LRRC7: variants seen among roughly 807,000 people sequenced by gnomAD.
The protein encoded by LRRC7 is leucine-rich repeat-containing protein 7.
Under a neutral mutation model 175.7 loss-of-function variants are expected in LRRC7, and 23 were observed. The observed-to-expected ratio is 0.13, with a 90% CI of 0.09 to 0.19. LRRC7 has a LOEUF of 0.19. Ranked by LOEUF, LRRC7 falls within the 10% of genes least tolerant of loss-of-function variation. The pLI is 1.00. For synonymous variants in LRRC7, 685 were observed against 680.9 expected, an observed-to-expected ratio of 1.01 and a Z score of -0.09; for missense variants, 1,354 against 1,904.7, an observed-to-expected ratio of 0.71 and a Z score of 5.38.
At chr1:69,653,034 T>C (rs1656087365) in intron 1 of LRRC7, among the ~76,000 whole-genome samples, 1 of 152,092 alleles carries the variant, frequency 6.6e-6, no homozygotes, top group African/African-American at 2.4e-5. Context: ...CAATTGGTCT[T>C]GGCAATGATT....
chr1:69,899,150 A>G (rs1305284040), intron 7 of LRRC7, among the ~76,000 whole-genome samples: 1 of 152,244 alleles, frequency 6.6e-6, no homozygotes, highest in Non-Finnish European at 1.5e-5. Context: ...CTCTCATATT[A>G]GCAGAAGCAC....
At chr1:69,584,094 G>A (rs921916721) in intron 1 of LRRC7, among the ~76,000 whole-genome samples, 6 of 152,170 alleles carry the variant, frequency 3.9e-5, no homozygotes, top group African/African-American at 9.6e-5. Context: ...GCTTGGAATC[G>A]CTTACTTCTC....
rs1349854926 is a variant in LRRC7, at chr1:69,608,899, T to TAC, written c.2+40272_2+40273dup. The stretch of plus-strand genomic sequence containing the variant: ...ATATATATATATATATATATATATA[T>TAC]ACACACACACACACATATATATAAA... On this transcript the variant is annotated intron_variant, in intron 1 of 26. Transcript: ENST00000651989. 3.0e-3 allele frequency among the ~76,000 whole-genome samples: 369 copies of TAC among 123,638 alleles called. 1 individual carries two copies. The highest frequency in any genetic ancestry group is 9.9e-3 in the African/African-American group (315 of 31,752). 81.1% of individuals were successfully genotyped at this position (123,638 alleles called of 152,430 possible).
intron 7 of LRRC7, among the ~76,000 whole-genome samples, chr1:69,898,329 G>A (rs1646036685): frequency 6.6e-6 from 1 of 152,162 alleles, no homozygotes; most frequent in South Asian, 2.1e-4. Context: ...TGTGGTTGGA[G>A]AGCTATATTT....
chr1:69,700,872 T>C (rs562059474), intron 2 of LRRC7, among the ~76,000 whole-genome samples: 2 of 152,328 alleles, frequency 1.3e-5, no homozygotes, highest in African/African-American at 4.8e-5. Context: ...AGGGTCATGT[T>C]GTGCTGTATA....
At chr1:69,761,770 T>C (rs1218259356) in intron 3 of LRRC7, among the ~76,000 whole-genome samples, 1 of 152,036 alleles carries the variant, frequency 6.6e-6, no homozygotes, top group African/African-American at 2.4e-5. Context: ...TCCTGGTACA[T>C]GGGCAGGCAT....
intron 11 of LRRC7, among the ~76,000 whole-genome samples, chr1:70,010,784 T>G (rs1269574831): frequency 6.6e-6 from 1 of 152,154 alleles, no homozygotes; most frequent in African/African-American, 2.4e-5. Flanking sequence ...GGCCCTTTTT[T>G]CCCAGCTATC....
rs183958686 is a variant in LRRC7 at position 70,111,488 on chromosome 1, G to C, written c.4620+3662G>C. On this transcript the variant is annotated intron_variant, in intron 26 of 26. Transcript: ENST00000651989. Reference sequence around the variant, plus strand: ...TAAGAGAAAAAACTGAAAGCACATGGAATATAAAAATATGCTAGAATAAGC... The same window carrying C: ...TAAGAGAAAAAACTGAAAGCACATGCAATATAAAAATATGCTAGAATAAGC... 2.0e-5 allele frequency among the ~76,000 whole-genome samples: 3 copies of C among 152,200 alleles called. No individual in the cohort carries two copies. The East Asian group carries it at 5.8e-4, about 29-fold the overall frequency.
chr1:69,750,093 T>TAAATGAATAAATAATA (rs139997047), intron 2 of LRRC7, among the ~76,000 whole-genome samples: 1 of 142,202 alleles, frequency 7.0e-6, no homozygotes, highest in Non-Finnish European at 1.5e-5. Flanking sequence ...AATAAATAAA[T>TAAATGAATAAATAATA]AATAATAACT....
At chr1:69,774,676 C>G (rs1462451722) in intron 3 of LRRC7, among the ~76,000 whole-genome samples, 1 of 152,026 alleles carries the variant, frequency 6.6e-6, no homozygotes, top group Non-Finnish European at 1.5e-5. Flanking sequence ...TTTAAAAAAA[C>G]TTTTATGAGT....
At chr1:70,086,966 T>A (rs1045204775) in intron 24 of LRRC7, among the ~76,000 whole-genome samples, 1 of 152,154 alleles carries the variant, frequency 6.6e-6, no homozygotes, top group African/African-American at 2.4e-5. Flanking sequence ...AGAGGAATAC[T>A]CTCTCTGACA....
intron 25 of LRRC7, among the ~76,000 whole-genome samples, chr1:70,097,149 C>T (rs890722634): frequency 2.0e-5 from 3 of 152,268 alleles, no homozygotes; most frequent in African/African-American, 7.2e-5. Flanking sequence ...TCCCCCACCC[C>T]TTTCATTCTG....
Position 70,127,165 on chromosome 1 carries a change from C to A in LRRC7, c.*5278C>A, listed in dbSNP as rs1286300262. 1.3e-5 allele frequency among the ~76,000 whole-genome samples: 2 copies of A among 152,152 alleles called. No individual in the cohort carries two copies. The highest frequency in any genetic ancestry group is 4.8e-5 in the African/African-American group (2 of 41,440). On this transcript the variant is annotated 3_prime_UTR_variant, in exon 27 of 27. Coordinates refer to ENST00000651989, the MANE Select transcript of LRRC7 (RefSeq NM_001370785.2). ...AGCCTGTGTGCAATGGTGGGGGTGG[C>A]AATGCCTTTATAAAACTGTTTCTGC...
intron 8 of LRRC7, among the ~76,000 whole-genome samples, chr1:69,956,421 G>T (rs1319319375): frequency 6.6e-6 from 1 of 151,754 alleles, no homozygotes; most frequent in African/African-American, 2.4e-5. Context: ...TGGACAATTA[G>T]AATACTTGTG....
intron 1 of LRRC7, among the ~76,000 whole-genome samples, chr1:69,591,357 T>G (rs957616762): frequency 1.3e-5 from 2 of 152,062 alleles, no homozygotes; most frequent in African/African-American, 2.4e-5. Context: ...AGAATTTTTT[T>G]GGGTTGCCAC....
At chr1:70,021,150 T>G in intron 16 of LRRC7, 21 bp downstream of exon 16, 1 of 1,602,022 alleles carries the variant, frequency 6.2e-7, no homozygotes, top group South Asian at 1.1e-5. Context: ...TAGCTTTTGT[T>G]TCCTCTTTCT....
intron 8 of LRRC7, among the ~76,000 whole-genome samples, chr1:69,969,401 A>C (rs1651996235): frequency 6.6e-6 from 1 of 152,174 alleles, no homozygotes; most frequent in Non-Finnish European, 1.5e-5. Context: ...CTAACACATA[A>C]GGACTCACAT....
chr1:69,966,463 A>G (rs1020965679), intron 8 of LRRC7, among the ~76,000 whole-genome samples: 1 of 152,218 alleles, frequency 6.6e-6, no homozygotes, highest in Non-Finnish European at 1.5e-5. Flanking sequence ...TCTTAACCTC[A>G]TTTCATCTTA....
intron 7 of LRRC7, among the ~76,000 whole-genome samples, chr1:69,898,366 A>C (rs1646037543): frequency 6.6e-6 from 1 of 152,230 alleles, no homozygotes; most frequent in African/African-American, 2.4e-5. Context: ...CTGAAGTTAC[A>C]TAGGGAGATT....
Sources: gnomAD v4.1 joint callset for allele counts (sites outside exome capture counted in the v4.1 genomes callset) on GRCh38, gnomAD v4.1.1 for gene constraint, MANE v1.5 for transcripts, NCBI Gene and HGNC (gene_info 2026-07-23, HGNC 2026-07-21) for gene names.